Variants in CNTN4 observed in about 807,000 individuals in gnomAD.
The protein encoded by CNTN4 is contactin 4.
Under a neutral mutation model 122.5 loss-of-function variants are expected in CNTN4, and 77 were observed. That is an observed-to-expected ratio of 0.63 (90% CI 0.52 to 0.76). CNTN4 has a LOEUF of 0.76. Ranked by LOEUF, CNTN4 falls within the 30% of genes least tolerant of loss-of-function variation. The probability of loss-of-function intolerance (pLI) is 0.00; values close to 1 mark genes in which losing one functional copy is unlikely to be tolerated. For missense variants in CNTN4, 1,256 were observed against 1,259.1 expected, an observed-to-expected ratio of 1.00 and a Z score of 0.04; for synonymous variants, 512 against 447.0, an observed-to-expected ratio of 1.15 and a Z score of -1.83.
At chr3:2,935,613 A>T (rs983615651) in intron 13 of CNTN4, among the ~76,000 whole-genome samples, 5 of 152,252 alleles carry the variant, frequency 3.3e-5, no homozygotes, top group African/African-American at 1.2e-4. Flanking sequence ...AACATAACCT[A>T]ATTTAAATCA....
intron 2 of CNTN4, among the ~76,000 whole-genome samples, chr3:2,159,669 G>A (rs144683595): frequency 0.012 from 1,852 of 152,146 alleles, 15 homozygotes; most frequent in Middle Eastern, 0.048. Context: ...ACCGTGTGAG[G>A]TGGGCCATAT....
chr3:2,329,756 C>G (rs986668976), intron 2 of CNTN4, among the ~76,000 whole-genome samples: 1 of 151,982 alleles, frequency 6.6e-6, no homozygotes, highest in African/African-American at 2.4e-5. Context: ...TTAAAAACAG[C>G]CTTTGCTTTG....
chr3:2,587,520 GCTCTTCT>G (rs1194902630), intron 4 of CNTN4, among the ~76,000 whole-genome samples: 1 of 152,128 alleles, frequency 6.6e-6, no homozygotes, highest in African/African-American at 2.4e-5. Flanking sequence ...CTTTGGGAAT[GCTCTTCT>G]CTCCAATGTT....
intron 4 of CNTN4, among the ~76,000 whole-genome samples, chr3:2,706,529 A>G (rs1366795608): frequency 1.3e-5 from 2 of 152,146 alleles, no homozygotes; most frequent in Admixed American, 6.6e-5. Context: ...ATCACATCAG[A>G]CCACATAGTT....
At chr3:2,205,542 C>T (rs973371661) in intron 2 of CNTN4, among the ~76,000 whole-genome samples, 1 of 151,914 alleles carries the variant, frequency 6.6e-6, no homozygotes, top group African/African-American at 2.4e-5. Context: ...CAAATAAAAC[C>T]TGCTCAAGTT....
chr3:2,605,246 G>C (rs1165779898), intron 4 of CNTN4, among the ~76,000 whole-genome samples: 2 of 152,138 alleles, frequency 1.3e-5, no homozygotes, highest in African/African-American at 4.8e-5. Flanking sequence ...AAGTGTTCCC[G>C]AGTTGGGATT....
chr3:2,687,732 T>A (rs1247373760), intron 4 of CNTN4, among the ~76,000 whole-genome samples: 1 of 152,216 alleles, frequency 6.6e-6, no homozygotes, highest in Non-Finnish European at 1.5e-5. Flanking sequence ...TTTTTTGTAA[T>A]CGAATGGGAA....
chr3:3,022,111 G>A (rs1484797308), intron 14 of CNTN4, among the ~76,000 whole-genome samples: 1 of 151,570 alleles, frequency 6.6e-6, no homozygotes, highest in Non-Finnish European at 1.5e-5. Context: ...GGGCATGGTG[G>A]TGTGCACCTT....
rs549156798 is a variant in CNTN4, at chr3:2,316,703, TAA to T, written c.-144-22474_-144-22473del. ...CCATTGCTTTGTATTTCTTTAGATTTAAGTTATAATTAACTTGAATATTAATC... is the reference window on the plus strand; with the variant it reads ...CCATTGCTTTGTATTTCTTTAGATTTGTTATAATTAACTTGAATATTAATC... On this transcript the variant is annotated intron_variant, in intron 2 of 24. Transcript: ENST00000418658. Among the ~76,000 whole-genome samples, 63 of 152,192 alleles carry T rather than the reference TAA, an allele frequency of 4.1e-4. 1 individual carries two copies. The highest frequency in any genetic ancestry group is 8.1e-4 in the Non-Finnish European group (55 of 68,020).
intron 4 of CNTN4, among the ~76,000 whole-genome samples, chr3:2,600,132 C>T (rs2080968418): frequency 7.0e-6 from 1 of 142,128 alleles, no homozygotes; most frequent in African/African-American, 2.6e-5. Flanking sequence ...TATTCAAATA[C>T]CATTTTGCCC....
chr3:2,798,230 T>C (rs1275104024), intron 6 of CNTN4, among the ~76,000 whole-genome samples: 1 of 151,772 alleles, frequency 6.6e-6, no homozygotes, highest in East Asian at 1.9e-4. Flanking sequence ...TCGATGTTGC[T>C]ACAAAAGACA....
At chr3:2,190,218 A>T (rs868048706) in intron 2 of CNTN4, among the ~76,000 whole-genome samples, 7 of 152,270 alleles carry the variant, frequency 4.6e-5, no homozygotes, top group Middle Eastern at 6.8e-3. Context: ...ATTTCTTCTC[A>T]TTGATTTAGT....
rs935767894 is a variant in CNTN4, at chr3:2,441,001, G to GTA, written c.-89+101779_-89+101780dup. ...CATATGTGTGTATATGTATATGTGT[G>GTA]TATATATATATAAAGGTTAAATGAG... On this transcript the variant is annotated intron_variant, in intron 3 of 24. Coordinates refer to ENST00000418658, the MANE Select transcript of CNTN4 (RefSeq NM_175607.3). Among the ~76,000 whole-genome samples the GTA allele has an allele frequency of 2.1e-4, 31 of 150,386 alleles. No homozygotes were observed. The South Asian group carries it at 5.0e-3, about 24-fold the overall frequency.
At chr3:3,044,699 T>C (rs985162282) in intron 23 of CNTN4, among the ~76,000 whole-genome samples, 2 of 152,156 alleles carry the variant, frequency 1.3e-5, no homozygotes, top group African/African-American at 2.4e-5. Context: ...AGTAGACTGG[T>C]GATTTCTACA....
intron 23 of CNTN4, among the ~76,000 whole-genome samples, chr3:3,051,844 G>A (rs573707854): frequency 1.5e-4 from 23 of 152,286 alleles, no homozygotes; most frequent in East Asian, 7.7e-4. Context: ...ACACAAGAGT[G>A]ACCTTATGTC....
intron 2 of CNTN4, among the ~76,000 whole-genome samples, chr3:2,104,482 C>T (rs892729048): frequency 6.6e-6 from 1 of 152,166 alleles, no homozygotes; most frequent in African/African-American, 2.4e-5. Flanking sequence ...TCCATGGGGT[C>T]ATTCAGGGAA....
chr3:2,681,081 G>A (rs2085138586), intron 4 of CNTN4, among the ~76,000 whole-genome samples: 1 of 152,208 alleles, frequency 6.6e-6, no homozygotes, highest in African/African-American at 2.4e-5. Context: ...AGACTCTAAT[G>A]GGGGTTGTGC....
intron 4 of CNTN4, among the ~76,000 whole-genome samples, chr3:2,692,328 G>A (rs1280294064): frequency 6.6e-6 from 1 of 152,022 alleles, no homozygotes; most frequent in South Asian, 2.1e-4. Flanking sequence ...CTTTACCTCC[G>A]CTACCTATGC....
chr3:2,353,886 G>C (rs555416493), intron 3 of CNTN4, among the ~76,000 whole-genome samples: 311 of 152,062 alleles, frequency 2.0e-3, no homozygotes, highest in African/African-American at 6.2e-3. Flanking sequence ...GCGACAGAGC[G>C]AGACTCCGTC....
Sources: allele counts gnomAD v4.1 joint callset (sites outside exome capture counted in the v4.1 genomes callset), GRCh38; gene constraint gnomAD v4.1.1; transcripts MANE v1.5; gene names NCBI Gene and HGNC (gene_info 2026-07-23, HGNC 2026-07-21).